The following LMNTD1 variants were observed in gnomAD, a reference collection of about 807,000 sequenced individuals.
The protein encoded by LMNTD1 is lamin tail domain containing 1.
Under a neutral mutation model 50.9 loss-of-function variants are expected in LMNTD1, and 35 were observed. That is an observed-to-expected ratio of 0.69 (90% CI 0.53 to 0.91). LMNTD1 has a LOEUF of 0.91. LMNTD1 is among the 40% of genes least tolerant of loss of function. The pLI is 0.00. For missense variants in LMNTD1, 470 were observed against 475.5 expected, an observed-to-expected ratio of 0.99 and a Z score of 0.11; for synonymous variants, 153 against 161.9, an observed-to-expected ratio of 0.94 and a Z score of 0.42.
At chr12:25,517,780 A>T (rs1940921253) in intron 8 of LMNTD1, among the ~76,000 whole-genome samples, 1 of 151,082 alleles carries the variant, frequency 6.6e-6, no homozygotes, top group Admixed American at 6.6e-5. Context: ...AGAAAAAGAA[A>T]TATATTCAGT....
At chr12:25,646,474 A>T (rs1045780689) in intron 1 of LMNTD1, among the ~76,000 whole-genome samples, 1 of 152,070 alleles carries the variant, frequency 6.6e-6, no homozygotes, top group Non-Finnish European at 1.5e-5. Flanking sequence ...CCAGTATCCA[A>T]CCTAGCCCTA....
At chr12:25,479,847 C>T (rs753287603) in intron 9 of LMNTD1, among the ~76,000 whole-genome samples, 1 of 152,150 alleles carries the variant, frequency 6.6e-6, no homozygotes, top group South Asian at 2.1e-4. Flanking sequence ...AGGAATGGTG[C>T]CATATCAAGG....
At chr12:25,478,439 G>C (rs925375641) in intron 9 of LMNTD1, among the ~76,000 whole-genome samples, 4 of 152,128 alleles carry the variant, frequency 2.6e-5, no homozygotes, top group African/African-American at 9.7e-5. Context: ...CATGATAAAA[G>C]AGAAAGGAAA....
intron 4 of LMNTD1, among the ~76,000 whole-genome samples, chr12:25,539,613 G>A (rs971067819): frequency 1.3e-5 from 2 of 151,786 alleles, no homozygotes; most frequent in Admixed American, 1.3e-4. Flanking sequence ...ATGCCCACAA[G>A]AGAAAGCAGG....
chr12:25,618,961 A>G (rs7139066), intron 1 of LMNTD1, among the ~76,000 whole-genome samples: 80,579 of 151,920 alleles, frequency 0.53, 22,906 homozygotes, highest in Non-Finnish European at 0.64. Context: ...GAAACGATTT[A>G]CCGCAAAATA....
intron 1 of LMNTD1, among the ~76,000 whole-genome samples, chr12:25,558,524 C>T (rs1290947825): frequency 6.6e-6 from 1 of 152,120 alleles, no homozygotes; most frequent in African/African-American, 2.4e-5. Context: ...CTCATTGACT[C>T]ACTGGTCATT....
intron 4 of LMNTD1, among the ~76,000 whole-genome samples, chr12:25,540,050 C>T (rs1371575420): frequency 7.7e-6 from 1 of 129,152 alleles, no homozygotes; most frequent in African/African-American, 3.0e-5. Context: ...CTGAATAGAC[C>T]AATAACAGGA....
At chr12:25,568,908 T>C (rs1167457085) in intron 1 of LMNTD1, among the ~76,000 whole-genome samples, 1 of 152,238 alleles carries the variant, frequency 6.6e-6, no homozygotes, top group Non-Finnish European at 1.5e-5. Flanking sequence ...GGTAGAAGCC[T>C]GCCACATGGG....
Position 25,632,661 on chromosome 12 carries a change from A to G in LMNTD1, c.58+15833T>C, listed in dbSNP as rs78018208. ...GCTAAAAGGAGCTCTAAATCTTCAA[A>G]TGAATCCTGGAAACACATCAAAACA... is the stretch of plus-strand genomic sequence containing the variant. On this transcript the variant is annotated intron_variant, in intron 1 of 7. Coordinates refer to the LMNTD1 transcript ENST00000445693. Among the ~76,000 whole-genome samples, 794 of 152,330 alleles carry G rather than the reference A, an allele frequency of 5.2e-3. 7 individuals are homozygous for G. The highest frequency in any genetic ancestry group is 0.018 in the African/African-American group (763 of 41,562).
At chr12:25,562,390 T>C (rs916289956) in intron 1 of LMNTD1, among the ~76,000 whole-genome samples, 2 of 152,192 alleles carry the variant, frequency 1.3e-5, no homozygotes, top group African/African-American at 4.8e-5. Context: ...CTCCTTCACT[T>C]ATGAAGCTTA....
chr12:25,565,558 AGTT>A (rs1414848868), intron 1 of LMNTD1, among the ~76,000 whole-genome samples: 1 of 152,156 alleles, frequency 6.6e-6, no homozygotes, highest in Non-Finnish European at 1.5e-5. Context: ...TGTCATGAAA[AGTT>A]GTTGTAGTTA....
At chr12:25,478,076 C>T (rs1320707871) in intron 9 of LMNTD1, among the ~76,000 whole-genome samples, 1 of 152,102 alleles carries the variant, frequency 6.6e-6, no homozygotes, top group African/African-American at 2.4e-5. Context: ...ATTGTGCCCA[C>T]CCACCCAGAT....
At chr12:25,638,585 T>C (rs1318823213) in intron 1 of LMNTD1, among the ~76,000 whole-genome samples, 1 of 151,996 alleles carries the variant, frequency 6.6e-6, no homozygotes, top group Non-Finnish European at 1.5e-5. Context: ...CCATTTACAA[T>C]GGCACCAAAA....
chr12:25,491,363 A>G lies in LMNTD1; in HGVS notation c.*22+12375T>C, dbSNP rs145063775. Among the ~76,000 whole-genome samples, 472 of 152,360 alleles carry G rather than the reference A, an allele frequency of 3.1e-3. 3 individuals carry two copies. The highest frequency in any genetic ancestry group is 0.011 in the African/African-American group (448 of 41,580). On this transcript the variant is annotated intron_variant, in intron 9 of 9. Transcript: ENST00000458174. ...AGAGAAACTTTCTATAAGAGAAGTA[A>G]CAGGAAAGTCTACAGAGGGGTGGTG...
At chr12:25,634,518 G>T (rs1196701577) in intron 1 of LMNTD1, among the ~76,000 whole-genome samples, 3 of 152,142 alleles carry the variant, frequency 2.0e-5, no homozygotes, top group African/African-American at 7.2e-5. Flanking sequence ...ATGCAGGGAT[G>T]GTTTAACAGA....
At chr12:25,487,703 T>G (rs1321872100) in intron 9 of LMNTD1, among the ~76,000 whole-genome samples, 2 of 130,596 alleles carry the variant, frequency 1.5e-5, no homozygotes, top group Non-Finnish European at 3.2e-5. Context: ...ATTTTGCTTG[T>G]TAGTTGACGC....
intron 1 of LMNTD1, among the ~76,000 whole-genome samples, chr12:25,577,516 A>G (rs1034532156): frequency 6.6e-6 from 1 of 150,802 alleles, no homozygotes; most frequent in Non-Finnish European, 1.5e-5. Context: ...ATGCTTGTGA[A>G]TTTTGCACAT....
At chr12:25,504,576 A>AAAAAC (rs1349158417) in intron 8 of LMNTD1, among the ~76,000 whole-genome samples, 1 of 152,204 alleles carries the variant, frequency 6.6e-6, no homozygotes, top group Non-Finnish European at 1.5e-5. Flanking sequence ...TCCTTTGGAA[A>AAAAAC]AAAACAAAAT....
intron 1 of LMNTD1, among the ~76,000 whole-genome samples, chr12:25,589,464 G>A (rs1488385259): frequency 6.6e-6 from 1 of 152,154 alleles, no homozygotes; most frequent in African/African-American, 2.4e-5. Flanking sequence ...TATAGGGGCT[G>A]GGATTGGGGA....
Sources: allele counts gnomAD v4.1 joint callset (sites outside exome capture counted in the v4.1 genomes callset), GRCh38; gene constraint gnomAD v4.1.1; transcripts MANE v1.5; gene names NCBI Gene and HGNC (gene_info 2026-07-23, HGNC 2026-07-21).